IL1RAPL1: variants seen among roughly 807,000 people sequenced by gnomAD.
IL1RAPL1 encodes the protein interleukin 1 receptor accessory protein like 1.
A neutral mutation model predicts 48.4 loss-of-function variants in IL1RAPL1; 3 were observed. The ratio of observed to expected loss-of-function variants is 0.06; its 90% CI spans 0.03 to 0.16. The LOEUF is 0.16. Ranked by LOEUF, IL1RAPL1 falls within the 10% of genes least tolerant of loss-of-function variation. The probability of loss-of-function intolerance (pLI) is 1.00; values close to 1 mark genes in which losing one functional copy is unlikely to be tolerated. For synonymous variants in IL1RAPL1, 185 were observed against 187.7 expected (o/e 0.99, Z 0.12); for missense variants, 349 against 530.6 (o/e 0.66, Z 3.36).
At chrX:28,879,742 G>C (rs1922460070) in intron 2 of IL1RAPL1, among the ~76,000 whole-genome samples, 1 of 111,853 alleles carries the variant, frequency 8.9e-6, no homozygotes, top group South Asian at 3.6e-4. Flanking sequence ...GTATTAGTAG[G>C]TTGTGGAATA....
chrX:29,887,382 C>T (rs1470931669), intron 6 of IL1RAPL1, among the ~76,000 whole-genome samples: 3 of 112,355 alleles, frequency 2.7e-5, no homozygotes, highest in African/African-American at 9.7e-5. Flanking sequence ...TGCCTTAGAG[C>T]TGTGTTGCTT....
At chrX:29,950,310 G>C (rs1933289006) in intron 9 of IL1RAPL1, among the ~76,000 whole-genome samples, 1 of 112,066 alleles carries the variant, frequency 8.9e-6, no homozygotes, top group African/African-American at 3.2e-5. Context: ...TGAATTCTTA[G>C]CTATTTTATT....
chrX:29,810,931 G>A (rs1463733404), intron 6 of IL1RAPL1, among the ~76,000 whole-genome samples: 1 of 111,512 alleles, frequency 9.0e-6, no homozygotes, highest in Non-Finnish European at 1.9e-5. Context: ...AAAATAAAAG[G>A]TACTTTTAAA....
At chrX:28,900,997 C>A (rs1923060903) in intron 2 of IL1RAPL1, among the ~76,000 whole-genome samples, 1 of 111,913 alleles carries the variant, frequency 8.9e-6, no homozygotes, top group Admixed American at 9.5e-5. Flanking sequence ...AATAAGCATG[C>A]AAATAAATTT....
At chrX:28,592,905 T>TA (rs894117991) in intron 1 of IL1RAPL1, among the ~76,000 whole-genome samples, 3 of 112,065 alleles carry the variant, frequency 2.7e-5, no homozygotes, top group South Asian at 3.7e-4. Flanking sequence ...TTCCTATATT[T>TA]AAAAAATGCA....
intron 2 of IL1RAPL1, among the ~76,000 whole-genome samples, chrX:28,853,897 A>C (rs1232235085): frequency 2.7e-5 from 3 of 111,749 alleles, no homozygotes; most frequent in African/African-American, 9.7e-5. Flanking sequence ...GTTATGAGGA[A>C]AGTTTTAAAG....
At chrX:29,489,354 G>T (rs1396241324) in intron 5 of IL1RAPL1, among the ~76,000 whole-genome samples, 3 of 111,791 alleles carry the variant, frequency 2.7e-5, no homozygotes, top group African/African-American at 9.8e-5. Context: ...AGAAAGGCAA[G>T]GGGGTAAAAG....
intron 2 of IL1RAPL1, among the ~76,000 whole-genome samples, chrX:29,009,246 A>G (rs934304412): frequency 1.9e-4 from 21 of 111,764 alleles, no homozygotes; most frequent in African/African-American, 5.8e-4. Flanking sequence ...TCTATTGGGT[A>G]CTATGCTCAC....
intron 3 of IL1RAPL1, among the ~76,000 whole-genome samples, chrX:29,323,732 TA>T (rs1932822723): frequency 3.2e-4 from 2 of 6,245 alleles, no homozygotes; most frequent in Non-Finnish European, 2.6e-4. Context: ...TATATATATA[TA>T]TATATATATA....
chrX:29,729,608 A>G (rs1927865036), intron 6 of IL1RAPL1, among the ~76,000 whole-genome samples: 1 of 112,036 alleles, frequency 8.9e-6, no homozygotes, highest in African/African-American at 3.2e-5. Flanking sequence ...GAACATTCCA[A>G]CTACAGTGAG....
At chrX:29,531,374 C>T (rs5971558) in intron 5 of IL1RAPL1, among the ~76,000 whole-genome samples, 31,916 of 110,585 alleles carry the variant, frequency 0.29, 4,275 homozygotes, top group East Asian at 0.58. Context: ...AAATAAGCAT[C>T]GTAAGGACTG....
intron 2 of IL1RAPL1, among the ~76,000 whole-genome samples, chrX:29,018,381 C>T (rs1055320835): frequency 3.6e-5 from 4 of 111,898 alleles, no homozygotes; most frequent in East Asian, 5.6e-4. Context: ...AGGAATTCTG[C>T]GAGAACCTAG....
intron 6 of IL1RAPL1, among the ~76,000 whole-genome samples, chrX:29,866,850 G>T (rs932972632): frequency 4.6e-5 from 5 of 109,415 alleles, no homozygotes; most frequent in African/African-American, 1.7e-4. Flanking sequence ...GTGCTCCTAG[G>T]ATTATTGATA....
At chrX:29,001,218 T>C (rs1328836291) in intron 2 of IL1RAPL1, among the ~76,000 whole-genome samples, 5 of 112,262 alleles carry the variant, frequency 4.5e-5, no homozygotes, top group Non-Finnish European at 9.4e-5. Flanking sequence ...AAATATTTTT[T>C]TGAAAAATCT....
chrX:29,761,994 C>G (rs1928763754), intron 6 of IL1RAPL1, among the ~76,000 whole-genome samples: 1 of 111,698 alleles, frequency 9.0e-6, no homozygotes, highest in Admixed American at 9.6e-5. Context: ...GCAGAAAGGA[C>G]ATTGCTTCCA....
At chrX:29,941,509 T>G (rs939852900) in intron 8 of IL1RAPL1, 142 bp from the exon 9 acceptor site, 12 of 601,498 alleles carry the variant, frequency 2.0e-5, no homozygotes, top group Non-Finnish European at 3.3e-5. Context: ...GGTCAAATTC[T>G]CATGCAAAAA....
chrX:29,607,902 T>C (rs1202231698), intron 5 of IL1RAPL1, among the ~76,000 whole-genome samples: 1 of 112,632 alleles, frequency 8.9e-6, no homozygotes, highest in African/African-American at 3.2e-5. Flanking sequence ...CTCCTTGTAG[T>C]CACTAACAGT....
At chrX:28,878,192 C>T (rs1181035162) in intron 2 of IL1RAPL1, among the ~76,000 whole-genome samples, 1 of 111,818 alleles carries the variant, frequency 8.9e-6, no homozygotes, top group Admixed American at 9.5e-5. Flanking sequence ...CTGAGCACTG[C>T]ATATGCTTAC....
intron 2 of IL1RAPL1, among the ~76,000 whole-genome samples, chrX:29,080,986 TTCTTTCTTTCTCTC>T (rs1320685211): frequency 2.6e-4 from 10 of 39,062 alleles, no homozygotes; most frequent in African/African-American, 1.0e-3. Context: ...CTTTCTTTCT[TTCTTTCTTTCTCTC>T]TCTCTCTCTC....
Sources: gnomAD v4.1 joint callset for allele counts (sites outside exome capture counted in the v4.1 genomes callset) on GRCh38, gnomAD v4.1.1 for gene constraint, MANE v1.5 for transcripts, NCBI Gene and HGNC (gene_info 2026-07-23, HGNC 2026-07-21) for gene names.